Variants in RERE observed in about 807,000 individuals in gnomAD.
RERE encodes arginine-glutamic acid dipeptide repeats.
A neutral mutation model predicts 146.1 loss-of-function variants in RERE; 40 were observed. The observed-to-expected ratio is 0.27, with a 90% CI of 0.21 to 0.36. RERE has a LOEUF of 0.36. Ranked by LOEUF, RERE falls within the 10% of genes least tolerant of loss-of-function variation. The probability of loss-of-function intolerance (pLI) is 1.00; values close to 1 mark genes in which losing one functional copy is unlikely to be tolerated. For missense variants in RERE, 1,933 were observed against 2,138.7 expected, an observed-to-expected ratio of 0.90 and a Z score of 1.90; for synonymous variants, 1,003 against 866.0, an observed-to-expected ratio of 1.16 and a Z score of -2.78.
At chr1:8,810,791 T>G (rs1222172851) in intron 1 of RERE, among the ~76,000 whole-genome samples, 2 of 152,092 alleles carry the variant, frequency 1.3e-5, no homozygotes. Context: ...TTCTGAGGCT[T>G]TAAAGAGCTC....
intron 4 of RERE, among the ~76,000 whole-genome samples, chr1:8,576,993 C>T (rs1646302723): frequency 6.6e-6 from 1 of 152,094 alleles, no homozygotes; most frequent in Non-Finnish European, 1.5e-5. Flanking sequence ...CACGGTGAAA[C>T]CCCGTCTCTA....
chr1:8,629,109 T>A (rs568339104), intron 2 of RERE, among the ~76,000 whole-genome samples: 116 of 152,290 alleles, frequency 7.6e-4, no homozygotes, highest in African/African-American at 2.7e-3. Context: ...AATCTTCAAA[T>A]CAGCATGCCT....
chr1:8,715,266 C>T (rs1470228328), intron 1 of RERE, among the ~76,000 whole-genome samples: 1 of 151,586 alleles, frequency 6.6e-6, no homozygotes, highest in East Asian at 2.0e-4. Flanking sequence ...AATCCCAGCA[C>T]TTTGGGAGGC....
chr1:8,489,589 TATTA>T (rs1644949076), intron 10 of RERE, among the ~76,000 whole-genome samples: 1 of 152,098 alleles, frequency 6.6e-6, no homozygotes, highest in African/African-American at 2.4e-5. Context: ...TGCTCAACCC[TATTA>T]AATTAGGAAA....
At chr1:8,675,734 C>CATAT (rs1256614233) in intron 1 of RERE, among the ~76,000 whole-genome samples, 2 of 136,238 alleles carry the variant, frequency 1.5e-5, no homozygotes, top group Non-Finnish European at 3.2e-5. Flanking sequence ...AAAATACATA[C>CATAT]ATATATACAT....
At chr1:8,808,480 A>G (rs2124602848) in intron 1 of RERE, among the ~76,000 whole-genome samples, 1 of 152,300 alleles carries the variant, frequency 6.6e-6, no homozygotes, top group Non-Finnish European at 1.5e-5. Flanking sequence ...TTGACCATTT[A>G]CTATGTGCCA....
rs529958756 is a variant in RERE at position 8,563,894 on chromosome 1, T to A, written c.523-6371A>T. 2.6e-3 allele frequency among the ~76,000 whole-genome samples: 402 copies of A among 152,200 alleles called. 1 individual carries two copies. Among genetic ancestry groups the A allele is most frequent in the Admixed American group, 4.8e-3 (74 of 15,280 alleles). On this transcript the variant is annotated intron_variant, in intron 4 of 22. Transcript: ENST00000400908. ...TTAAGAGTTGTCTGAACATTAGAGGTTTACTGTATAATTCAGAAATGTATA... is the reference window on the plus strand; with the variant it reads ...TTAAGAGTTGTCTGAACATTAGAGGATTACTGTATAATTCAGAAATGTATA...
chr1:8,762,598 C>T (rs1640776464), intron 1 of RERE, among the ~76,000 whole-genome samples: 2 of 152,186 alleles, frequency 1.3e-5, no homozygotes, highest in African/African-American at 4.8e-5. Flanking sequence ...CAGGCACCAT[C>T]TAACTCTACT....
chr1:8,765,067 A>AT (rs374976991), intron 1 of RERE, among the ~76,000 whole-genome samples: 25 of 152,292 alleles, frequency 1.6e-4, no homozygotes, highest in Non-Finnish European at 3.5e-4. Flanking sequence ...TCACAACAGC[A>AT]TTTTTTTAAC....
At chr1:8,550,661 C>T (rs1226773096) in intron 6 of RERE, among the ~76,000 whole-genome samples, 1 of 152,168 alleles carries the variant, frequency 6.6e-6, no homozygotes, top group Non-Finnish European at 1.5e-5. Context: ...ATTCTCCTGC[C>T]TCAGTCTCCC....
At chr1:8,419,073 T>C (rs554077001) in intron 12 of RERE, among the ~76,000 whole-genome samples, 1 of 152,276 alleles carries the variant, frequency 6.6e-6, no homozygotes, top group Non-Finnish European at 1.5e-5. Context: ...CCTGACTACA[T>C]TTCACCTACT....
chr1:8,606,896 A>G (rs1280492440), intron 4 of RERE, among the ~76,000 whole-genome samples: 2 of 152,222 alleles, frequency 1.3e-5, no homozygotes, highest in Non-Finnish European at 2.9e-5. Context: ...GAGATCAAAG[A>G]TAAGAACTGA....
At chr1:8,670,028 G>A (rs1000476482) in intron 1 of RERE, among the ~76,000 whole-genome samples, 1 of 152,196 alleles carries the variant, frequency 6.6e-6, no homozygotes, top group Non-Finnish European at 1.5e-5. Flanking sequence ...GAATCTCTAA[G>A]TCTAAGATAA....
intron 7 of RERE, among the ~76,000 whole-genome samples, chr1:8,531,204 G>A (rs2124368479): frequency 6.6e-6 from 1 of 152,184 alleles, no homozygotes; most frequent in East Asian, 1.9e-4. Context: ...AATATAATGA[G>A]AGGCCGAAGT....
At chr1:8,422,615 G>T (rs1053353302) in intron 12 of RERE, 112 bp downstream of exon 12, 62 of 747,720 alleles carry the variant, frequency 8.3e-5, no homozygotes, top group Non-Finnish European at 1.3e-4. Flanking sequence ...AGGCCAGCCC[G>T]AGTCTGAGCA....
chr1:8,359,702 G>C, intron 19 of RERE, 62 bp downstream of exon 19: 1 of 1,554,854 alleles, frequency 6.4e-7, no homozygotes, highest in South Asian at 1.1e-5. Flanking sequence ...GTGGCCCAGC[G>C]TGGCTCCCAG....
chr1:8,815,189 C>T (rs1641887023), intron 1 of RERE, among the ~76,000 whole-genome samples: 1 of 152,122 alleles, frequency 6.6e-6, no homozygotes, highest in Admixed American at 6.6e-5. Flanking sequence ...TTCAAAGGAG[C>T]CCCCTAAACA....
intron 1 of RERE, chr1:8,753,498 C>T (rs1640579186): frequency 6.6e-6 from 1 of 152,132 alleles, no homozygotes; most frequent in East Asian, 1.9e-4. Context: ...TTCTATTTGA[C>T]GGATTTTAAA....
At chr1:8,502,198 C>A (rs1351938197) in intron 8 of RERE, among the ~76,000 whole-genome samples, 2 of 81,810 alleles carry the variant, frequency 2.4e-5, no homozygotes, top group Non-Finnish European at 4.8e-5. Flanking sequence ...CCGCCCCGTC[C>A]GGGAGGGAGG....
Sources: gnomAD v4.1 joint callset for allele counts (sites outside exome capture counted in the v4.1 genomes callset) on GRCh38, gnomAD v4.1.1 for gene constraint, MANE v1.5 for transcripts, NCBI Gene and HGNC (gene_info 2026-07-23, HGNC 2026-07-21) for gene names.